The following WDR17 variants were observed in gnomAD, a reference collection of about 807,000 sequenced individuals.
WDR17 encodes the protein WD repeat-containing protein 17.
WDR17 carries 143 observed loss-of-function variants against 161.7 expected under a neutral mutation model. The ratio of observed to expected loss-of-function variants is 0.88; its 90% CI spans 0.77 to 1.02. The LOEUF is 1.02. Among genes scored for constraint, WDR17 ranks in the 50% least tolerant of loss-of-function variants. The pLI is 0.00. For missense variants in WDR17, 1,469 were observed against 1,520.9 expected (o/e 0.97, Z 0.57); for synonymous variants, 517 against 515.6 (o/e 1.00, Z -0.04).
chr4:176,134,783 C>T (rs1341455921), intron 7 of WDR17, among the ~76,000 whole-genome samples: 1 of 151,564 alleles, frequency 6.6e-6, no homozygotes, highest in Non-Finnish European at 1.5e-5. Context: ...AGCATAGTAT[C>T]CTGTAAGTTT....
At chr4:176,086,457 A>G (rs959930970) in intron 1 of WDR17, among the ~76,000 whole-genome samples, 6 of 151,910 alleles carry the variant, frequency 3.9e-5, no homozygotes, top group South Asian at 2.1e-4. Context: ...CTTGCTTTAT[A>G]TAATTGAAAA....
At chr4:176,077,155 A>T (rs1578989038) in intron 1 of WDR17, among the ~76,000 whole-genome samples, 1 of 125,430 alleles carries the variant, frequency 8.0e-6, no homozygotes, top group African/African-American at 3.4e-5. Context: ...TTTTCTCCCA[A>T]TTTTTTTTTT....
chr4:176,146,611 C>G (rs1746211982), intron 12 of WDR17, among the ~76,000 whole-genome samples: 1 of 151,922 alleles, frequency 6.6e-6, no homozygotes, highest in Non-Finnish European at 1.5e-5. Context: ...TGGGTTTGAC[C>G]AAAAAACATG....
At chr4:176,147,559 A>C (rs1022265182) in intron 12 of WDR17, among the ~76,000 whole-genome samples, 17 of 152,208 alleles carry the variant, frequency 1.1e-4, no homozygotes, top group African/African-American at 1.7e-4. Flanking sequence ...ATTTCAGATA[A>C]TACCCATCAT....
rs545577244 is a variant in WDR17 at position 176,163,127 on chromosome 4, G to A, written c.2851-27G>A. The A allele has an allele frequency of 3.0e-5, 49 of 1,613,902 alleles. No homozygotes were observed. In the South Asian group the frequency reaches 5.1e-4, roughly 17 times the overall value. On this transcript the variant is annotated intron_variant, in intron 21 of 28. Coordinates refer to ENST00000508596, the MANE Select transcript of WDR17 (RefSeq NM_181265.4). Reference sequence around the variant, plus strand: ...GATCCTACCCAGCTTCTATGCAACTGAAGAAATTATTTTCTTATTGAGCAA... The same window carrying A: ...GATCCTACCCAGCTTCTATGCAACTAAAGAAATTATTTTCTTATTGAGCAA...
chr4:176,179,252 T>C (rs908657185), intron 28 of WDR17, among the ~76,000 whole-genome samples: 6 of 152,306 alleles, frequency 3.9e-5, no homozygotes, highest in Admixed American at 6.5e-5. Context: ...GATATTAGGG[T>C]ATAATGACAT....
At position 176,160,568 on chromosome 4, in the gene WDR17, C is replaced by T. The variant is rs149422357; in HGVS notation, c.2659-343C>T. On this transcript the variant is annotated intron_variant, in intron 19 of 28. Coordinates refer to ENST00000508596, the MANE Select transcript of WDR17 (RefSeq NM_181265.4). ...AACTCCTGACCTCAGGTGATCCTCC[C>T]GCCTCAACCTCCCAAAGTTCTGGGA... Among the ~76,000 whole-genome samples, 572 of 152,188 alleles carry T rather than the reference C, an allele frequency of 3.8e-3. 5 individuals carry two copies. Among genetic ancestry groups the T allele is most frequent in the African/African-American group, 0.012 (519 of 41,538 alleles).
chr4:176,138,440 C>A (rs1242385101), intron 9 of WDR17, among the ~76,000 whole-genome samples: 1 of 151,690 alleles, frequency 6.6e-6, no homozygotes, highest in Admixed American at 6.6e-5. Context: ...TTAGAGACCA[C>A]TGTGAGCAAT....
At chr4:176,100,842 A>G (rs1737708177) in intron 1 of WDR17, among the ~76,000 whole-genome samples, 1 of 152,022 alleles carries the variant, frequency 6.6e-6, no homozygotes, top group South Asian at 2.1e-4. Context: ...TGAAAAGGGT[A>G]TCCTTTCCTC....
intron 22 of WDR17, among the ~76,000 whole-genome samples, chr4:176,164,652 T>C (rs1470731970): frequency 6.6e-6 from 1 of 152,202 alleles, no homozygotes; most frequent in Non-Finnish European, 1.5e-5. Context: ...CACTTTCTTA[T>C]CTGCAGCCAA....
chr4:176,160,207 C>T (rs9683850), intron 19 of WDR17, 81 bp downstream of exon 19: 161,739 of 1,518,730 alleles, frequency 0.11, 9,779 homozygotes, highest in Non-Finnish European at 0.12. Flanking sequence ...ACTGGCTCAC[C>T]CTTACATAAT....
At chr4:176,117,882 T>C (rs1030270420) in intron 3 of WDR17, among the ~76,000 whole-genome samples, 7 of 152,172 alleles carry the variant, frequency 4.6e-5, no homozygotes, top group Admixed American at 3.9e-4. Context: ...GTAACACTTT[T>C]GAAATGTTTT....
At chr4:176,108,133 G>C (rs1257408666) in intron 1 of WDR17, among the ~76,000 whole-genome samples, 1 of 151,822 alleles carries the variant, frequency 6.6e-6, no homozygotes, top group Non-Finnish European at 1.5e-5. Context: ...TACACTCCTG[G>C]TTGCACATTA....
intron 1 of WDR17, among the ~76,000 whole-genome samples, chr4:176,099,586 A>C (rs1173365110): frequency 6.6e-6 from 1 of 152,170 alleles, no homozygotes; most frequent in Admixed American, 6.6e-5. Flanking sequence ...ATTTTTAACC[A>C]ACTTTTAAAA....
chr4:176,174,579 A>G, intron 25 of WDR17, 38 bp from the exon 26 acceptor site: 1 of 1,483,962 alleles, frequency 6.7e-7, no homozygotes, highest in South Asian at 1.2e-5. Flanking sequence ...TATGCCTCAA[A>G]TTGTGGAATT....
At chr4:176,125,057 T>A (rs772145974) in intron 4 of WDR17, 47 bp from the exon 5 acceptor site, 7 of 1,594,942 alleles carry the variant, frequency 4.4e-6, no homozygotes, top group Non-Finnish European at 5.1e-6. Context: ...AAATTATTGA[T>A]CTTTTCTGCA....
intron 20 of WDR17, among the ~76,000 whole-genome samples, chr4:176,161,236 A>G (rs1022042504): frequency 2.0e-5 from 3 of 152,208 alleles, no homozygotes; most frequent in African/African-American, 4.8e-5. Context: ...AGCAAAATGC[A>G]TTTTACTAGA....
chr4:176,111,032 T>C (rs1313054257), intron 1 of WDR17, among the ~76,000 whole-genome samples: 1 of 152,338 alleles, frequency 6.6e-6, no homozygotes, highest in Non-Finnish European at 1.5e-5. Context: ...GCACCTCAAA[T>C]AGATTTTGTG....
chr4:176,078,384 A>G (rs1734325075), intron 1 of WDR17, among the ~76,000 whole-genome samples: 1 of 152,156 alleles, frequency 6.6e-6, no homozygotes, highest in Admixed American at 6.6e-5. Context: ...ACTGAAGCAG[A>G]GGAGAGGATC....
Sources: gnomAD v4.1 joint callset for allele counts (sites outside exome capture counted in the v4.1 genomes callset) on GRCh38, gnomAD v4.1.1 for gene constraint, MANE v1.5 for transcripts, NCBI Gene and HGNC (gene_info 2026-07-23, HGNC 2026-07-21) for gene names.